ACACB: variants seen among roughly 807,000 people sequenced by gnomAD.
ACACB encodes the protein acetyl-CoA carboxylase beta.
A neutral mutation model predicts 278.8 loss-of-function variants in ACACB; 209 were observed. The observed-to-expected ratio is 0.75, with a 90% CI of 0.67 to 0.84. The LOEUF (loss-of-function observed/expected upper bound fraction) is 0.84, where lower values mean the gene tolerates loss of function less well. Ranked by LOEUF, ACACB falls within the 40% of genes least tolerant of loss-of-function variation. The pLI, the probability that ACACB is intolerant of heterozygous loss-of-function variation, is 0.00. For missense variants in ACACB, 2,850 were observed against 3,269.0 expected (o/e 0.87, Z 3.13); for synonymous variants, 1,174 against 1,285.6 (o/e 0.91, Z 1.86).
At chr12:109,212,742 C>T (rs925254245) in intron 21 of ACACB, 94 bp from the exon 22 acceptor site, 26 of 1,031,458 alleles carry the variant, frequency 2.5e-5, no homozygotes, top group South Asian at 1.4e-4. Context: ...GACCAGTGCT[C>T]GTTTGGGTAC....
intron 15 of ACACB, among the ~76,000 whole-genome samples, chr12:109,192,824 G>C (rs915253947): frequency 6.6e-6 from 1 of 151,922 alleles, no homozygotes; most frequent in African/African-American, 2.4e-5. Context: ...ATCATGCCTG[G>C]CCAATTTTTT....
intron 25 of ACACB, 54 bp from the exon 26 acceptor site, chr12:109,222,745 C>A: frequency 6.4e-7 from 1 of 1,564,146 alleles, no homozygotes; most frequent in Non-Finnish European, 8.8e-7. Context: ...CGAGCCTCTG[C>A]CTTCTGCCCT....
At chr12:109,214,461 G>C (rs1240844303) in intron 22 of ACACB, among the ~76,000 whole-genome samples, 1 of 152,144 alleles carries the variant, frequency 6.6e-6, no homozygotes, top group Non-Finnish European at 1.5e-5. Context: ...TCACAGCCAA[G>C]GGCTAGGAAG....
intron 2 of ACACB, among the ~76,000 whole-genome samples, chr12:109,156,755 G>T (rs2043552861): frequency 6.6e-6 from 1 of 152,000 alleles, no homozygotes; most frequent in Non-Finnish European, 1.5e-5. Context: ...TAGCAGGAAG[G>T]GTCGCAAAAA....
At position 109,234,015 on chromosome 12, in the gene ACACB, G is replaced by C; in HGVS notation, c.4317G>C (p.Val1439=). 6.2e-7 allele frequency: 1 copy of C among 1,613,796 alleles called. No homozygotes were observed. The highest frequency in any genetic ancestry group is 8.5e-7 in the Non-Finnish European group (1 of 1,179,860). ...CADHLEDEAL[V]PILRTFVQSK... is the part of the protein sequence containing the mutation. Reference sequence around the variant, plus strand: ...ACCACCTGGAGGATGAGGCACTGGTGCCGATTTTACGGACATTCGTACAGT... The same window carrying C: ...ACCACCTGGAGGATGAGGCACTGGTCCCGATTTTACGGACATTCGTACAGT... Residue 1439 remains valine, a synonymous_variant, in exon 31 of 53, where the codon GTG becomes GTC. Transcript: ENST00000338432.
intron 2 of ACACB, among the ~76,000 whole-genome samples, chr12:109,140,656 C>CA (rs1222264392): frequency 6.6e-6 from 1 of 151,474 alleles, no homozygotes; most frequent in Admixed American, 6.6e-5. Flanking sequence ...GACCTTGTCT[C>CA]AAAAAAGGAA....
intron 11 of ACACB, among the ~76,000 whole-genome samples, chr12:109,183,062 C>T (rs762888501): frequency 2.0e-5 from 3 of 152,138 alleles, no homozygotes; most frequent in South Asian, 2.1e-4. Context: ...GCATGTTCTT[C>T]GCAAGTCTGT....
At chr12:109,223,016 G>A in intron 26 of ACACB, 104 bp downstream of exon 26, 1 of 904,466 alleles carries the variant, frequency 1.1e-6, no homozygotes, top group African/African-American at 1.6e-5. Context: ...GCTCAGTGGG[G>A]TGCAGGGCAC....
intron 2 of ACACB, among the ~76,000 whole-genome samples, chr12:109,143,876 A>G (rs1317037610): frequency 6.6e-6 from 1 of 152,180 alleles, no homozygotes; most frequent in East Asian, 1.9e-4. Flanking sequence ...GTTGGAAACA[A>G]CGCATATCAA....
intron 19 of ACACB, among the ~76,000 whole-genome samples, chr12:109,206,186 A>G (rs1285857625): frequency 1.3e-5 from 2 of 152,294 alleles, no homozygotes; most frequent in Non-Finnish European, 2.9e-5. Context: ...CTGTAATCCC[A>G]GCACTTTGGG....
rs375855495 is a variant in ACACB, at chr12:109,235,341, G to A, written c.4376G>A (p.Arg1459Gln). The change falls in exon 32 of 53, where the codon CGA becomes CAA. Residue 1459 changes from arginine to glutamine, a missense_variant. Physicochemically the swap from Arg to Gln is conservative, Grantham distance 43. This residue lies in a region of ACACB where 2,265 missense variants were observed against 2,561.3 expected (regional missense o/e 0.88). Transcript: ENST00000338432. ...AATATCCTTGTGGATTATGGACTCC[G>A]ACGAATCACATTCTTGATTGCCCAA... The part of the protein sequence containing the change: ...KKNILVDYGL[R>Q]RITFLIAQEK... 386 of 1,613,924 alleles carry A rather than the reference G, an allele frequency of 2.4e-4. No homozygotes were observed. Among genetic ancestry groups the A allele is most frequent in the Non-Finnish European group, 3.1e-4 (365 of 1,179,974 alleles).
Position 109,180,026 on chromosome 12 carries a change from A to G in ACACB, c.1757A>G (p.Gln586Arg). ...TTCTTGGAGCTGAATCCTCGCTTGC[A>G]GGTGGAACATCCCTGCACAGAAATG... is the stretch of plus-strand genomic sequence containing the variant. Reference protein sequence around the residue: ...FHFLELNPRLQVEHPCTEMIA... With the variant: ...FHFLELNPRLRVEHPCTEMIA... Residue 586 changes from glutamine to arginine, a missense_variant, in exon 11 of 53, where the codon CAG becomes CGG. By Grantham distance (43) the Gln-to-Arg change is conservative. Coordinates refer to ENST00000338432, the MANE Select transcript of ACACB (RefSeq NM_001093.4). 1 of 1,613,458 alleles carries G rather than the reference A, an allele frequency of 6.2e-7. No individual in the cohort carries two copies. Among genetic ancestry groups the G allele is most frequent in the Non-Finnish European group, 8.5e-7 (1 of 1,180,028 alleles).
chr12:109,213,662 T>C (rs2045911460), intron 22 of ACACB, among the ~76,000 whole-genome samples: 1 of 152,080 alleles, frequency 6.6e-6, no homozygotes, highest in Non-Finnish European at 1.5e-5. Context: ...TGGTTCGATC[T>C]TGGCTCACTG....
chr12:109,235,346 A>C lies in ACACB; in HGVS notation c.4381A>C (p.Ile1461Leu). Residue 1461 changes from isoleucine (I) to leucine (L), a missense_variant, in exon 32 of 53, where the codon ATC (isoleucine) becomes CTC (leucine). Coordinates refer to ENST00000338432, the MANE Select transcript of ACACB (RefSeq NM_001093.4). ...CCTTGTGGATTATGGACTCCGACGA[A>C]TCACATTCTTGATTGCCCAAGAGGT... is the stretch of plus-strand genomic sequence containing the variant. ...NILVDYGLRR[I>L]TFLIAQEKEF... The C allele has an allele frequency of 6.2e-7, 1 of 1,614,146 alleles. No homozygotes were observed.
In ACACB at chr12:109,140,134, A is replaced by G. The variant is rs928145211; in HGVS notation, c.653+76A>G. On this transcript the variant is annotated intron_variant, in intron 2 of 52. Coordinates refer to ENST00000338432, the MANE Select transcript of ACACB (RefSeq NM_001093.4). ...TCCACACCCTTCCCAACCTGTGCCC[A>G]CCTTGATCAAGCTGTTTGCTGATGC... 28 of 1,444,238 alleles carry G rather than the reference A, an allele frequency of 1.9e-5. No individual in the cohort carries two copies. In the Admixed American group the frequency reaches 7.0e-4, roughly 36 times the overall value. 89.5% of individuals were successfully genotyped at this position (1,444,238 alleles called of 1,614,324 possible).
At chr12:109,194,610 CTGTG>C (rs144545047) in intron 16 of ACACB, among the ~76,000 whole-genome samples, 6,199 of 95,248 alleles carry the variant, frequency 0.065, 268 homozygotes, top group East Asian at 0.14. Flanking sequence ...GCCTCTGCCT[CTGTG>C]TGTGTGTGTG....
Position 109,266,527 on chromosome 12 carries a change from C to A in ACACB, c.*165C>A. 1 of 763,292 alleles carries A rather than the reference C, an allele frequency of 1.3e-6. No individual in the cohort carries two copies. Among genetic ancestry groups the A allele is most frequent in the Non-Finnish European group, 1.9e-6 (1 of 532,252 alleles). The allele number at this position is 763,292 out of a possible 1,614,324, so 47.3% of individuals were successfully genotyped here. On this transcript the variant is annotated 3_prime_UTR_variant, in exon 53 of 53. Coordinates refer to ENST00000338432, the MANE Select transcript of ACACB (RefSeq NM_001093.4). Reference sequence around the variant, plus strand: ...AGCTGACACCCGTCTTAACAAAAGGCCCAGGAGTGCCTCTTCCAAACAAAA... The same window carrying A: ...AGCTGACACCCGTCTTAACAAAAGGACCAGGAGTGCCTCTTCCAAACAAAA...
intron 18 of ACACB, among the ~76,000 whole-genome samples, chr12:109,200,235 G>A (rs1457980050): frequency 6.6e-6 from 1 of 151,836 alleles, no homozygotes; most frequent in Non-Finnish European, 1.5e-5. Flanking sequence ...CCGGGCTGGA[G>A]TGTAGTGGCG....
chr12:109,235,792 G>C (rs1440129860), intron 33 of ACACB, 145 bp downstream of exon 33: 2 of 677,780 alleles, frequency 3.0e-6, no homozygotes, highest in African/African-American at 3.6e-5. Flanking sequence ...GAGCTCAGGA[G>C]TTCTAGACCA....
Sources: gnomAD v4.1 joint callset for allele counts (sites outside exome capture counted in the v4.1 genomes callset) on GRCh38, gnomAD v4.1.1 for gene constraint, gnomAD v4.1.1 regional missense constraint, MANE v1.5 for transcripts, NCBI Gene and HGNC (gene_info 2026-07-23, HGNC 2026-07-21) for gene names.